Variants in RAI14 observed in about 807,000 individuals in gnomAD.
RAI14 encodes ankycorbin.
A neutral mutation model predicts 115.4 loss-of-function variants in RAI14; 45 were observed. That is an observed-to-expected ratio of 0.39 (90% CI 0.31 to 0.50). The LOEUF (loss-of-function observed/expected upper bound fraction) is 0.50, where lower values mean the gene tolerates loss of function less well. Ranked by LOEUF, RAI14 falls within the 20% of genes least tolerant of loss-of-function variation. The probability of loss-of-function intolerance (pLI) is 0.85; values close to 1 mark genes in which losing one functional copy is unlikely to be tolerated. For missense variants in RAI14, 939 were observed against 1,131.2 expected (o/e 0.83, Z 2.44); for synonymous variants, 371 against 415.4 (o/e 0.89, Z 1.30).
At chr5:34,800,299 T>C (rs1754106922) in intron 4 of RAI14, among the ~76,000 whole-genome samples, 1 of 152,218 alleles carries the variant, frequency 6.6e-6, no homozygotes, top group Admixed American at 6.5e-5. Flanking sequence ...AGACTACTTG[T>C]AATAGTCCAA....
At chr5:34,742,355 A>C (rs1745617759) in intron 2 of RAI14, among the ~76,000 whole-genome samples, 1 of 152,226 alleles carries the variant, frequency 6.6e-6, no homozygotes, top group Non-Finnish European at 1.5e-5. Context: ...GGTTAATATC[A>C]AGCCAGTGTG....
intron 3 of RAI14, among the ~76,000 whole-genome samples, chr5:34,780,481 AG>A (rs35828477): frequency 6.6e-6 from 1 of 152,228 alleles, no homozygotes; most frequent in Non-Finnish European, 1.5e-5. Context: ...CATCTGACAA[AG>A]GGCTAATATC....
chr5:34,821,653 C>A, intron 13 of RAI14, 79 bp from the exon 14 acceptor site: 1 of 873,064 alleles, frequency 1.1e-6, no homozygotes, highest in Non-Finnish European at 1.9e-6. Flanking sequence ...CTGGATTAGG[C>A]TAGGAAGTGA....
chr5:34,787,893 ATT>A (rs70973012), intron 3 of RAI14, among the ~76,000 whole-genome samples: 5 of 25,086 alleles, frequency 2.0e-4, no homozygotes, highest in African/African-American at 5.8e-4. Context: ...GATACTACTG[ATT>A]TTTTTTTTTT....
intron 2 of RAI14, among the ~76,000 whole-genome samples, chr5:34,703,450 G>A (rs766667241): frequency 2.0e-5 from 3 of 152,142 alleles, no homozygotes; most frequent in Non-Finnish European, 4.4e-5. Context: ...GCTGTTTTAT[G>A]TATTATTACT....
rs571246846 is a variant in RAI14 at position 34,658,696 on chromosome 5, G to A, written c.-49+2221G>A. ...ACTTGTAATCCCAGCTACTTGAGAG[G>A]CTGAGGCAGGAGAATCGCTTGAACC... On this transcript the variant is annotated intron_variant, in intron 1 of 17. Transcript: ENST00000265109. Among the ~76,000 whole-genome samples, 40 of 152,276 alleles carry A rather than the reference G, an allele frequency of 2.6e-4. 2 individuals carry two copies. The South Asian group carries it at 8.3e-3, about 32-fold the overall frequency.
chr5:34,659,504 G>A (rs1742532499), intron 1 of RAI14, among the ~76,000 whole-genome samples: 1 of 152,188 alleles, frequency 6.6e-6, no homozygotes, highest in Non-Finnish European at 1.5e-5. Flanking sequence ...TCAGCCTCAA[G>A]TGAGCCTTCT....
intron 17 of RAI14, among the ~76,000 whole-genome samples, chr5:34,830,285 T>A (rs557887726): frequency 6.6e-6 from 1 of 152,236 alleles, no homozygotes; most frequent in Non-Finnish European, 1.5e-5. Context: ...TGCCCCACCC[T>A]CCCATCATTT....
intron 2 of RAI14, among the ~76,000 whole-genome samples, chr5:34,710,255 C>T (rs1741234118): frequency 6.6e-6 from 1 of 152,164 alleles, no homozygotes; most frequent in Non-Finnish European, 1.5e-5. Flanking sequence ...TTGCTTATTC[C>T]TAGCTTCTGG....
chr5:34,775,384 A>G (rs943152249), intron 3 of RAI14, among the ~76,000 whole-genome samples: 12 of 152,220 alleles, frequency 7.9e-5, no homozygotes, highest in Non-Finnish European at 1.5e-5. Context: ...AACAACCAGT[A>G]TATAAGGAGC....
chr5:34,775,265 G>C (rs1750696673), intron 3 of RAI14, among the ~76,000 whole-genome samples: 1 of 151,966 alleles, frequency 6.6e-6, no homozygotes, highest in South Asian at 2.1e-4. Context: ...GGACAAATGG[G>C]GATCATATCA....
At chr5:34,691,481 A>G (rs1480518471) in intron 2 of RAI14, among the ~76,000 whole-genome samples, 1 of 152,178 alleles carries the variant, frequency 6.6e-6, no homozygotes, top group African/African-American at 2.4e-5. Flanking sequence ...GTGGTTCCAC[A>G]TGGAAAAATG....
intron 2 of RAI14, among the ~76,000 whole-genome samples, chr5:34,708,340 T>A (rs1740978629): frequency 6.6e-6 from 1 of 152,010 alleles, no homozygotes; most frequent in African/African-American, 2.4e-5. Context: ...GTAGCTGGGA[T>A]TACAGGCATG....
intron 16 of RAI14, among the ~76,000 whole-genome samples, chr5:34,826,849 A>G (rs2150310715): frequency 6.6e-6 from 1 of 152,272 alleles, no homozygotes; most frequent in Admixed American, 6.5e-5. Context: ...GATCTCTAGT[A>G]GTTGCATCTC....
chr5:34,766,754 C>T (rs1335653517), intron 3 of RAI14, among the ~76,000 whole-genome samples: 3 of 152,168 alleles, frequency 2.0e-5, no homozygotes, highest in Middle Eastern at 3.4e-3. Flanking sequence ...GAAATCTCTC[C>T]ACATGAGATT....
chr5:34,731,445 A>G (rs974182478), intron 2 of RAI14, among the ~76,000 whole-genome samples: 7 of 152,182 alleles, frequency 4.6e-5, no homozygotes, highest in Non-Finnish European at 7.3e-5. Flanking sequence ...TCTTCTATTA[A>G]ACATCTGTGT....
intron 1 of RAI14, among the ~76,000 whole-genome samples, chr5:34,678,142 G>A (rs1470802998): frequency 2.0e-5 from 3 of 150,338 alleles, no homozygotes; most frequent in African/African-American, 7.3e-5. Context: ...CTGTCACCCT[G>A]CCTGGAGTGC....
intron 2 of RAI14, among the ~76,000 whole-genome samples, chr5:34,704,284 G>A (rs1342469806): frequency 2.0e-5 from 3 of 152,170 alleles, no homozygotes; most frequent in African/African-American, 7.2e-5. Flanking sequence ...ATGGCACTTT[G>A]AATAGAAAGA....
chr5:34,779,369 C>T (rs2150155319), intron 3 of RAI14, among the ~76,000 whole-genome samples: 1 of 152,184 alleles, frequency 6.6e-6, no homozygotes, highest in African/African-American at 2.4e-5. Context: ...GAAGTTCTGG[C>T]CAGGGCAATC....
Sources: allele counts gnomAD v4.1 joint callset (sites outside exome capture counted in the v4.1 genomes callset), GRCh38; gene constraint gnomAD v4.1.1; transcripts MANE v1.5; gene names NCBI Gene and HGNC (gene_info 2026-07-23, HGNC 2026-07-21).